LRP1B: variants seen among roughly 807,000 people sequenced by gnomAD.
The protein encoded by LRP1B is low-density lipoprotein receptor-related protein 1B.
In LRP1B, 217 loss-of-function variants were observed where a neutral mutation model predicts 556.6. The observed-to-expected ratio is 0.39, with a 90% CI of 0.35 to 0.44. The LOEUF is 0.44. Among genes scored for constraint, LRP1B ranks in the 20% least tolerant of loss-of-function variants. The probability of loss-of-function intolerance (pLI) is 1.00; values close to 1 mark genes in which losing one functional copy is unlikely to be tolerated. For missense variants in LRP1B, 5,053 were observed against 5,620.8 expected, an observed-to-expected ratio of 0.90 and a Z score of 3.23; for synonymous variants, 2,047 against 1,865.8, an observed-to-expected ratio of 1.10 and a Z score of -2.50.
chr2:140,297,983 T>C lies in LRP1B; in HGVS notation c.12806-14A>G. The C allele has an allele frequency of 1.9e-6, 3 of 1,571,304 alleles. No individual in the cohort carries two copies. The highest frequency in any genetic ancestry group is 2.6e-6 in the Non-Finnish European group (3 of 1,151,874). Reference sequence around the variant, plus strand: ...AGGTGGGTCTCCCTATTGGAAACAATAAGTAATAAAAAGCAAATTATTCAA... The same window carrying C: ...AGGTGGGTCTCCCTATTGGAAACAACAAGTAATAAAAAGCAAATTATTCAA... On this transcript the variant is annotated splice_polypyrimidine_tract_variant and intron_variant, in intron 83 of 90. Coordinates refer to ENST00000389484, the MANE Select transcript of LRP1B (RefSeq NM_018557.3).
intron 20 of LRP1B, among the ~76,000 whole-genome samples, chr2:140,949,890 G>A (rs184268217): frequency 6.6e-3 from 497 of 74,752 alleles, no homozygotes; most frequent in Middle Eastern, 0.039. Context: ...AGTGAGCCGA[G>A]ATGGCGCCAC....
At chr2:140,427,793 C>A (rs1419475008) in intron 66 of LRP1B, among the ~76,000 whole-genome samples, 1 of 151,966 alleles carries the variant, frequency 6.6e-6, no homozygotes, top group Non-Finnish European at 1.5e-5. Context: ...CCCATCTGTC[C>A]TCTCCCCTCC....
intron 86 of LRP1B, among the ~76,000 whole-genome samples, chr2:140,254,738 G>C (rs1053878828): frequency 2.6e-5 from 4 of 151,972 alleles, no homozygotes; most frequent in African/African-American, 9.7e-5. Context: ...AATTTTAGTA[G>C]AGGTGGGGTT....
At chr2:141,132,999 C>G (rs777679843) in intron 7 of LRP1B, among the ~76,000 whole-genome samples, 16 of 152,030 alleles carry the variant, frequency 1.1e-4, no homozygotes, top group Middle Eastern at 3.4e-3. Flanking sequence ...AAAGTACACC[C>G]TGATGTGATT....
At chr2:141,524,946 A>T (rs1384263701) in intron 2 of LRP1B, among the ~76,000 whole-genome samples, 1 of 152,158 alleles carries the variant, frequency 6.6e-6, no homozygotes, top group African/African-American at 2.4e-5. Flanking sequence ...AATGAGCTAG[A>T]TGTTTGCACC....
At chr2:141,330,963 T>A (rs866975194) in intron 3 of LRP1B, among the ~76,000 whole-genome samples, 2 of 152,132 alleles carry the variant, frequency 1.3e-5, no homozygotes, top group Non-Finnish European at 2.9e-5. Context: ...TTTCACCGTG[T>A]TAGCCAAGAT....
At chr2:141,398,839 G>C (rs1029336765) in intron 3 of LRP1B, among the ~76,000 whole-genome samples, 12 of 152,184 alleles carry the variant, frequency 7.9e-5, no homozygotes, top group South Asian at 2.1e-4. Context: ...AGTTGGATAG[G>C]AGACTGGCCT....
intron 3 of LRP1B, among the ~76,000 whole-genome samples, chr2:141,389,561 A>G (rs929714101): frequency 2.0e-5 from 3 of 152,182 alleles, no homozygotes; most frequent in East Asian, 1.9e-4. Context: ...AGCATTGGCA[A>G]TGAATTCTTA....
chr2:141,503,795 T>A (rs1033157446), intron 2 of LRP1B, among the ~76,000 whole-genome samples: 10 of 152,154 alleles, frequency 6.6e-5, no homozygotes, highest in Admixed American at 2.0e-4. Flanking sequence ...AGAGAGAATA[T>A]GTTAAGGCAC....
chr2:140,872,323 A>C lies in LRP1B; in HGVS notation c.4170-4060T>G, dbSNP rs553231035. ...GAGTGTGAACAGACAAGTTCATCTC[A>C]GCTCTTAAGCTGCTTGCTTTTGTAT... is the stretch of plus-strand genomic sequence containing the variant. On this transcript the variant is annotated intron_variant, in intron 25 of 90. Coordinates refer to ENST00000389484, the MANE Select transcript of LRP1B (RefSeq NM_018557.3). 8.6e-5 allele frequency among the ~76,000 whole-genome samples: 12 copies of C among 139,982 alleles called. No individual in the cohort carries two copies. In the South Asian group the frequency reaches 2.6e-3, roughly 31 times the overall value. 91.8% of individuals were successfully genotyped at this position (139,982 alleles called of 152,430 possible).
intron 3 of LRP1B, among the ~76,000 whole-genome samples, chr2:141,471,281 T>TTTTTTTTTTTTTTC (rs1682460031): frequency 1.2e-5 from 1 of 81,764 alleles, no homozygotes; most frequent in South Asian, 2.9e-4. Flanking sequence ...TTTTTTTTTT[T>TTTTTTTTTTTTTTC]TTTTTTTTTT....
intron 87 of LRP1B, among the ~76,000 whole-genome samples, chr2:140,244,887 G>C (rs1431249030): frequency 6.6e-6 from 1 of 151,164 alleles, no homozygotes; most frequent in African/African-American, 2.4e-5. Context: ...GCTCAAGTTT[G>C]GGGAAGGTTT....
At chr2:141,647,613 T>G (rs1689623503) in intron 2 of LRP1B, among the ~76,000 whole-genome samples, 1 of 152,134 alleles carries the variant, frequency 6.6e-6, no homozygotes, top group African/African-American at 2.4e-5. Context: ...TTTATATTTG[T>G]TTTATTTATT....
intron 7 of LRP1B, among the ~76,000 whole-genome samples, chr2:141,144,504 C>T (rs1442375921): frequency 1.3e-5 from 2 of 152,124 alleles, no homozygotes; most frequent in Non-Finnish European, 2.9e-5. Flanking sequence ...CTTTTATTAT[C>T]AGGAAGTTCT....
At chr2:140,367,073 C>T (rs1333398496) in intron 71 of LRP1B, among the ~76,000 whole-genome samples, 2 of 151,564 alleles carry the variant, frequency 1.3e-5, no homozygotes, top group Non-Finnish European at 3.0e-5. Flanking sequence ...GGAGGAAAGC[C>T]TGAGGACAGC....
intron 43 of LRP1B, among the ~76,000 whole-genome samples, chr2:140,575,835 G>A (rs994257305): frequency 6.6e-6 from 1 of 151,906 alleles, no homozygotes; most frequent in East Asian, 1.9e-4. Context: ...TGAGGCAGGA[G>A]TGCTTGAACC....
At chr2:141,048,891 G>T in intron 11 of LRP1B, 95 bp downstream of exon 11, 2 of 927,964 alleles carry the variant, frequency 2.2e-6, no homozygotes, top group East Asian at 2.4e-5. Context: ...AAGAACTTGA[G>T]TTCTGGTTAA....
intron 47 of LRP1B, among the ~76,000 whole-genome samples, chr2:140,527,915 G>A (rs553820075): frequency 1.3e-5 from 2 of 152,010 alleles, no homozygotes; most frequent in African/African-American, 2.4e-5. Context: ...GCATTTCTCT[G>A]TTTAATAACA....
intron 1 of LRP1B, among the ~76,000 whole-genome samples, chr2:141,873,088 TG>T (rs1698641402): frequency 6.6e-6 from 1 of 151,930 alleles, no homozygotes; most frequent in South Asian, 2.1e-4. Context: ...AAAGCAAAGG[TG>T]GGGACAAATG....
Sources: allele counts gnomAD v4.1 joint callset (sites outside exome capture counted in the v4.1 genomes callset), GRCh38; gene constraint gnomAD v4.1.1; transcripts MANE v1.5; gene names NCBI Gene and HGNC (gene_info 2026-07-23, HGNC 2026-07-21).